COA8: variants seen among roughly 807,000 people sequenced by gnomAD.
The protein encoded by COA8 is UPF0671 protein C14orf153.
A neutral mutation model predicts 22.0 loss-of-function variants in COA8; 20 were observed. That is an observed-to-expected ratio of 0.91 (90% confidence interval 0.64 to 1.32). The LOEUF (loss-of-function observed/expected upper bound fraction) is 1.32. Ranked by LOEUF, COA8 falls within the 40% of genes most tolerant of loss-of-function variation. The pLI is 0.00. For synonymous variants in COA8, 105 were observed against 79.9 expected, an observed-to-expected ratio of 1.31 and a Z score of -1.68; for missense variants, 266 against 230.0, an observed-to-expected ratio of 1.16 and a Z score of -1.01.
rs1566983995 is a variant in COA8 at position 103,581,916 on chromosome 14, C to T, written c.386-5358C>T. 6.6e-6 allele frequency among the ~76,000 whole-genome samples: 1 copy of T among 152,204 alleles called. No individual in the cohort carries two copies. Among genetic ancestry groups the T allele is most frequent in the South Asian group, 2.1e-4 (1 of 4,834 alleles). On this transcript the variant is annotated intron_variant, in intron 3 of 4. Transcript: ENST00000409074. This position sits in a 1 kb window ranked among gnomAD's most constrained non-coding sequence, Gnocchi z 4.1. The stretch of plus-strand genomic sequence containing the variant: ...AATAAAGGGGTTGCCAGACACCCTC[C>T]CTGCTCTGTGGAGGGAGGGTGGAAT...
chr14:103,567,554 A>C (rs2076145072), intron 1 of COA8: 1 of 151,992 alleles, frequency 6.6e-6, no homozygotes, highest in Non-Finnish European at 1.5e-5. Context: ...GACTGAAAAC[A>C]AAAATTTTTT....
At chr14:103,563,334 G>T in intron 1 of COA8, 1 of 726,524 alleles carries the variant, frequency 1.4e-6, no homozygotes, top group Non-Finnish European at 2.4e-6. Flanking sequence ...CCACCACGCC[G>T]GGGACTGTTG....
At chr14:103,568,877 C>T (rs1458895403) in intron 1 of COA8, among the ~76,000 whole-genome samples, 1 of 152,092 alleles carries the variant, frequency 6.6e-6, no homozygotes, top group African/African-American at 2.4e-5. Flanking sequence ...AATGATCCAC[C>T]TGCTTCGGCT....
intron 3 of COA8, among the ~76,000 whole-genome samples, chr14:103,586,598 C>T (rs1312580809): frequency 6.6e-6 from 1 of 151,062 alleles, no homozygotes. Context: ...AGCCCGGCCT[C>T]CCAAAGTGCT....
intron 3 of COA8, among the ~76,000 whole-genome samples, chr14:103,576,735 G>A (rs2076233056): frequency 6.6e-6 from 1 of 152,224 alleles, no homozygotes; most frequent in African/African-American, 2.4e-5. Context: ...GTCAGCTGAG[G>A]AGGCTGCCTT....
chr14:103,588,269 C>G, intron 4 of COA8: 1 of 396,936 alleles, frequency 2.5e-6, no homozygotes, highest in Non-Finnish European at 4.4e-6. Context: ...AATCCCATGA[C>G]TTTGGGAGGC....
rs977121141 is a variant in COA8 at position 103,563,016 on chromosome 14, G to C, written c.15G>C (p.Arg5=). 1.5e-5 allele frequency: 23 copies of C among 1,558,064 alleles called. No homozygotes were observed. The highest frequency in any genetic ancestry group is 1.9e-5 in the Non-Finnish European group (22 of 1,157,984). The change falls in exon 1 of 5, where the codon CGG becomes CGC. Residue 5 remains arginine, a synonymous_variant. Coordinates refer to ENST00000409074, the MANE Select transcript of COA8 (RefSeq NM_001370595.2). ...GGCGTGGGGCCATGGTGGTCTTGCG[G>C]GCGGGGAAGAAGACCTTTCTCCCCC... is the stretch of plus-strand genomic sequence containing the variant. MVVL[R]AGKKTFLPPL...
At position 103,590,427 on chromosome 14, in the gene COA8, A is replaced by AG; in HGVS notation, c.*144dup. ...GGGGCCCCATGGCCTGTTTGGGGGC[A>AG]GGGTAGGTCCTGGGGCACTGTGGGC... is the stretch of plus-strand genomic sequence containing the variant. On this transcript the variant is annotated 3_prime_UTR_variant, in exon 5 of 5. Coordinates refer to ENST00000409074, the MANE Select transcript of COA8 (RefSeq NM_001370595.2). 1.4e-6 allele frequency: 1 copy of AG among 730,702 alleles called. No individual in the cohort carries two copies. The highest frequency in any genetic ancestry group is 2.2e-6 in the Non-Finnish European group (1 of 451,658). 45.3% of individuals were successfully genotyped at this position (730,702 alleles called of 1,614,324 possible). A position where few individuals can be genotyped will look rare whatever the true frequency, so the allele number is the denominator to read the frequency against.
At chr14:103,576,421 A>T (rs2076231031) in intron 3 of COA8, among the ~76,000 whole-genome samples, 1 of 152,232 alleles carries the variant, frequency 6.6e-6, no homozygotes, top group African/African-American at 2.4e-5. Context: ...GAGGAATGAT[A>T]CCGTCCTGAG....
intron 1 of COA8, among the ~76,000 whole-genome samples, chr14:103,570,783 G>A (rs771805475): frequency 2.0e-5 from 3 of 152,168 alleles, no homozygotes; most frequent in African/African-American, 7.2e-5. Context: ...CTACATGGAA[G>A]AGTTATTACT....
rs1183213528 is a variant in COA8 at position 103,590,499 on chromosome 14, G to A, written c.*213G>A. 1.8e-5 allele frequency: 9 copies of A among 504,622 alleles called. No homozygotes were observed. Among genetic ancestry groups the A allele is most frequent in the Non-Finnish European group, 2.1e-5 (6 of 284,258 alleles). The allele number at this position is 504,622 out of a possible 1,614,324, so 31.3% of individuals were successfully genotyped here. ...TCTAGGCCAGCTTGTTGTCACGTAC[G>A]TGGTGTGAAATAAAGCCCAAGCACT... On this transcript the variant is annotated 3_prime_UTR_variant, in exon 5 of 5. Transcript: ENST00000409074.
intron 2 of COA8, among the ~76,000 whole-genome samples, chr14:103,572,970 A>G (rs1325286738): frequency 6.6e-6 from 1 of 150,972 alleles, no homozygotes; most frequent in African/African-American, 2.4e-5. Flanking sequence ...TTTAGTGGAG[A>G]TGGGATTTCA....
rs2076268526 is a variant in COA8 at position 103,581,707 on chromosome 14, G to A, written c.386-5567G>A. ...AAATGAAGTAGCCCCAGATGACGTA[G>A]GAAATGGCAGAACTGAAGGGAAAAG... On this transcript the variant is annotated intron_variant, in intron 3 of 4. Coordinates refer to ENST00000409074, the MANE Select transcript of COA8 (RefSeq NM_001370595.2). The surrounding 1 kb of genome is among the most constrained non-coding windows in gnomAD (Gnocchi z 4.1). The A allele has an allele frequency of 5.0e-6, 2 of 398,392 alleles. No homozygotes were observed. The highest frequency in any genetic ancestry group is 8.8e-6 in the Non-Finnish European group (2 of 226,076). The allele number at this position is 398,392 out of a possible 1,614,324, so 24.7% of individuals were successfully genotyped here.
chr14:103,586,200 CTTTTTTTTT>C (rs71126040), intron 3 of COA8, among the ~76,000 whole-genome samples: 41 of 92,688 alleles, frequency 4.4e-4, no homozygotes, highest in Non-Finnish European at 7.3e-4. Flanking sequence ...TGCACCTGGC[CTTTTTTTTT>C]TTTTTTTTTT....
intron 3 of COA8, among the ~76,000 whole-genome samples, chr14:103,585,347 C>T (rs1404828584): frequency 2.0e-4 from 29 of 144,216 alleles, no homozygotes; most frequent in African/African-American, 6.4e-4. Context: ...GGCGTGGTGG[C>T]ACATACCTGT....
chr14:103,574,022 T>G (rs1327240058), intron 2 of COA8, 85 bp from the exon 3 acceptor site: 1 of 1,454,808 alleles, frequency 6.9e-7, no homozygotes, highest in African/African-American at 1.5e-5. Flanking sequence ...CAGTACACCG[T>G]GAGCTGTGCT....
intron 1 of COA8, among the ~76,000 whole-genome samples, chr14:103,568,503 A>G (rs1486760151): frequency 6.6e-6 from 1 of 151,746 alleles, no homozygotes; most frequent in South Asian, 2.1e-4. Context: ...ATATACACAC[A>G]TGTATACATA....
At chr14:103,569,750 A>G (rs2076167710) in intron 1 of COA8, among the ~76,000 whole-genome samples, 3 of 152,268 alleles carry the variant, frequency 2.0e-5, no homozygotes. Flanking sequence ...TCACAGATGC[A>G]AAGACTTGGG....
At chr14:103,564,051 G>T (rs1385482554) in intron 1 of COA8, among the ~76,000 whole-genome samples, 1 of 151,950 alleles carries the variant, frequency 6.6e-6, no homozygotes, top group Non-Finnish European at 1.5e-5. Context: ...TACTCGGGAG[G>T]ATGAGGCAGG....
Sources: allele counts gnomAD v4.1 joint callset (sites outside exome capture counted in the v4.1 genomes callset), GRCh38; gene constraint gnomAD v4.1.1; non-coding constraint Gnocchi (gnomAD v3.1); transcripts MANE v1.5; gene names NCBI Gene and HGNC (gene_info 2026-07-23, HGNC 2026-07-21).